The following UTP14A variants were observed in gnomAD, a reference collection of about 807,000 sequenced individuals.
UTP14A encodes U3 small nucleolar RNA-associated protein 14 homolog A.
UTP14A carries 5 observed loss-of-function variants against 57.2 expected under a neutral mutation model. That is an observed-to-expected ratio of 0.09 (90% confidence interval 0.05 to 0.18). The LOEUF (loss-of-function observed/expected upper bound fraction) is 0.18. Among genes scored for constraint, UTP14A ranks in the 10% least tolerant of loss-of-function variants. UTP14A has a pLI of 1.00. For synonymous variants in UTP14A, 169 were observed against 210.9 expected, an observed-to-expected ratio of 0.80 and a Z score of 1.72; for missense variants, 430 against 562.1, an observed-to-expected ratio of 0.76 and a Z score of 2.38.
rs1930104119 is a variant in UTP14A at position 129,926,312 on chromosome X, G to T, written c.2016G>T (p.Lys672Asn). The T allele has an allele frequency of 1.7e-6, 2 of 1,211,812 alleles. No homozygotes were observed. Among genetic ancestry groups the T allele is most frequent in the African/African-American group, 3.5e-5 (2 of 57,862 alleles). ...KNLPNVIINE[K>N]RNIHAAAHQV... is the part of the protein sequence containing the mutation. Reference sequence around the variant, plus strand: ...TGCCAAATGTGATTATCAATGAGAAGCGCAACATCCACGCAGCTGCTCATC... The same window carrying T: ...TGCCAAATGTGATTATCAATGAGAATCGCAACATCCACGCAGCTGCTCATC... Residue 672 changes from lysine to asparagine, a missense_variant, in exon 14 of 15, where the codon AAG becomes AAT. Physicochemically the swap from Lys to Asn is moderately conservative, Grantham distance 94. This residue lies in a region of UTP14A where 82 missense variants were observed against 151.4 expected (regional missense o/e 0.54). Transcript: ENST00000394422.
intron 4 of UTP14A, among the ~76,000 whole-genome samples, chrX:129,910,441 T>C (rs987004777): frequency 1.8e-5 from 2 of 111,653 alleles, no homozygotes; most frequent in Non-Finnish European, 3.8e-5. Flanking sequence ...CTCCAGCACT[T>C]TGGGAGGCCG....
At chrX:129,923,814 A>G (rs1420988588) in intron 11 of UTP14A, among the ~76,000 whole-genome samples, 1 of 111,400 alleles carries the variant, frequency 9.0e-6, no homozygotes, top group East Asian at 2.8e-4. Flanking sequence ...CACCTGTTAA[A>G]GTGGCTTCCT....
At chrX:129,917,606 G>C (rs960355113) in intron 6 of UTP14A, among the ~76,000 whole-genome samples, 2 of 112,034 alleles carry the variant, frequency 1.8e-5, no homozygotes, top group African/African-American at 3.2e-5. Flanking sequence ...ACTGGAAACT[G>C]AGGAATTGGA....
intron 3 of UTP14A, 136 bp downstream of exon 3, chrX:129,908,266 G>T (rs1181007797): frequency 4.1e-6 from 2 of 488,382 alleles, no homozygotes; most frequent in African/African-American, 4.9e-5. Context: ...ATAATTAACT[G>T]TTAGCTGTTA....
chrX:129,915,221 AAAAAAT>A (rs758985977), intron 6 of UTP14A, among the ~76,000 whole-genome samples: 3 of 106,277 alleles, frequency 2.8e-5, no homozygotes, highest in African/African-American at 1.0e-4. Flanking sequence ...TCTCAAAAAT[AAAAAAT>A]AAAAATAAAG....
Position 129,929,447 on chromosome X carries a change from C to T in UTP14A, c.2155C>T (p.Pro719Ser), listed in dbSNP as rs748302359. ...GAGGGCTTTCCAAAAGCTGACTACT[C>T]CCAAGGTCGTCACCAAGCCAGGCCA... ...TQRAFQKLTT[P>S]KVVTKPGHII... The change falls in exon 15 of 15, where the codon CCC (proline) becomes TCC (serine). Residue 719 changes from proline (P) to serine (S), a missense_variant. Coordinates refer to ENST00000394422, the MANE Select transcript of UTP14A (RefSeq NM_006649.4). 5 of 1,211,895 alleles carry T rather than the reference C, an allele frequency of 4.1e-6. No homozygotes were observed. The highest frequency in any genetic ancestry group is 5.6e-6 in the Non-Finnish European group (5 of 895,579).
chrX:129,915,951 CTT>C (rs767150196), intron 6 of UTP14A, among the ~76,000 whole-genome samples: 2 of 81,937 alleles, frequency 2.4e-5, no homozygotes, highest in Non-Finnish European at 2.3e-5. Flanking sequence ...AATTCCATGA[CTT>C]TTTTTTTTTT....
intron 6 of UTP14A, among the ~76,000 whole-genome samples, chrX:129,916,553 C>G (rs1278315996): frequency 9.0e-6 from 1 of 111,561 alleles, no homozygotes; most frequent in African/African-American, 3.3e-5. Flanking sequence ...CAAATTCTGT[C>G]TCTGTAATAG....
intron 8 of UTP14A, 114 bp from the exon 9 acceptor site, chrX:129,920,343 A>G (rs1929860843): frequency 9.4e-7 from 1 of 1,059,801 alleles, no homozygotes; most frequent in Non-Finnish European, 1.3e-6. Flanking sequence ...AACTAGCTCT[A>G]TGATGCCCAT....
chrX:129,910,998 CT>C lies in UTP14A; in HGVS notation c.239-7del, dbSNP rs1330563715. 8.3e-7 allele frequency: 1 copy of C among 1,209,533 alleles called. No individual in the cohort carries two copies. Among genetic ancestry groups the C allele is most frequent in the Admixed American group, 2.2e-5 (1 of 45,744 alleles). ...TCTTGGTCTGACCAGAAAGTTTGAC[CT>C]TTCCACAGGATCAGGAGAAAAGCTG... On this transcript the variant is annotated splice_polypyrimidine_tract_variant and intron_variant, in intron 4 of 14. Transcript: ENST00000394422.
chrX:129,927,519 T>C (rs775700725), intron 14 of UTP14A, among the ~76,000 whole-genome samples: 8 of 111,994 alleles, frequency 7.1e-5, no homozygotes, highest in African/African-American at 1.9e-4. Context: ...TTGTTTGTTT[T>C]GTTTTCAGAT....
In UTP14A at chrX:129,927,141, A is replaced by G. The variant is rs185316270; in HGVS notation, c.2043+802A>G. The stretch of plus-strand genomic sequence containing the variant: ...GGTGATGGGTAGAGTATGGAGCTCA[A>G]TAAAGACCACCCTTCCCTTCCAGGG... On this transcript the variant is annotated intron_variant, in intron 14 of 14. Coordinates refer to ENST00000394422, the MANE Select transcript of UTP14A (RefSeq NM_006649.4). 8.1e-3 allele frequency among the ~76,000 whole-genome samples: 904 copies of G among 111,163 alleles called. 5 individuals carry two copies. Among genetic ancestry groups the G allele is most frequent in the Non-Finnish European group, 0.013 (689 of 52,961 alleles).
chrX:129,907,533 C>A, intron 2 of UTP14A, 91 bp downstream of exon 2: 1 of 781,620 alleles, frequency 1.3e-6, no homozygotes, highest in South Asian at 2.8e-5. Context: ...TGTATTTGTT[C>A]AGGTCTCTCA....
intron 4 of UTP14A, among the ~76,000 whole-genome samples, chrX:129,910,092 C>T (rs1929409823): frequency 9.0e-6 from 1 of 111,666 alleles, no homozygotes; most frequent in Non-Finnish European, 1.9e-5. Flanking sequence ...AAATTGAAGC[C>T]GAGATCTGAA....
At position 129,920,453 on chromosome X, in the gene UTP14A, A is replaced by G. The variant is rs749462745; in HGVS notation, c.753-4A>G. 2.1e-5 allele frequency: 26 copies of G among 1,210,324 alleles called. No homozygotes were observed. Among genetic ancestry groups the G allele is most frequent in the Non-Finnish European group, 2.6e-5 (23 of 895,302 alleles). On this transcript the variant is annotated splice_region_variant and splice_polypyrimidine_tract_variant and intron_variant, in intron 8 of 14. Transcript: ENST00000394422. ...TGCTAAACTCTTCCCTCCTACCCCT[A>G]CAGGTATCACAAAGTCGTGAAGAAA... is the stretch of plus-strand genomic sequence containing the variant.
chrX:129,919,855 G>A (rs2124209653), intron 8 of UTP14A, among the ~76,000 whole-genome samples: 1 of 111,150 alleles, frequency 9.0e-6, no homozygotes, highest in African/African-American at 3.3e-5. Flanking sequence ...CGAGGTGGAT[G>A]GACCACTTGA....
At position 129,915,313 on chromosome X, in the gene UTP14A, C is replaced by T. The variant is rs181136646; in HGVS notation, c.537+3392C>T. On this transcript the variant is annotated intron_variant, in intron 6 of 14. Coordinates refer to ENST00000394422, the MANE Select transcript of UTP14A (RefSeq NM_006649.4). ...GGCTGAGGTGGGTGGATCACAAGGT[C>T]AGGAGATCGAGACCATCCTGGCTAA... is the stretch of plus-strand genomic sequence containing the variant. Among the ~76,000 whole-genome samples the T allele has an allele frequency of 7.3e-4, 82 of 111,745 alleles. 1 individual carries two copies. In the South Asian group the frequency reaches 0.019, roughly 26 times the overall value.
chrX:129,906,770 C>A (rs1929273598), intron 1 of UTP14A, among the ~76,000 whole-genome samples: 1 of 108,386 alleles, frequency 9.2e-6, no homozygotes, highest in African/African-American at 3.4e-5. Flanking sequence ...GGGTACCAAT[C>A]TCCTTAGTTA....
intron 10 of UTP14A, 156 bp downstream of exon 10, chrX:129,920,908 G>A: frequency 1.3e-6 from 1 of 754,367 alleles, no homozygotes; most frequent in Non-Finnish European, 1.6e-6. Flanking sequence ...GGAACAAGGT[G>A]GAAAAGGAGA....
Sources: allele counts gnomAD v4.1 joint callset (sites outside exome capture counted in the v4.1 genomes callset), GRCh38; gene constraint gnomAD v4.1.1; regional missense constraint gnomAD v4.1.1; transcripts MANE v1.5; gene names NCBI Gene and HGNC (gene_info 2026-07-23, HGNC 2026-07-21).